The following NPLOC4 variants were observed in gnomAD, a reference collection of about 807,000 sequenced individuals.
The protein encoded by NPLOC4 is NPL4 homolog, ubiquitin recognition factor, also known as nuclear protein localization protein 4 homolog.
NPLOC4 carries 18 observed loss-of-function variants against 80.6 expected under a neutral mutation model. The observed-to-expected ratio is 0.22, with a 90% CI of 0.15 to 0.33. The LOEUF (loss-of-function observed/expected upper bound fraction) is 0.33. Ranked by LOEUF, NPLOC4 falls within the 10% of genes least tolerant of loss-of-function variation. NPLOC4 has a pLI of 1.00. For missense variants in NPLOC4, 540 were observed against 786.1 expected, an observed-to-expected ratio of 0.69 and a Z score of 3.74; for synonymous variants, 313 against 301.5, an observed-to-expected ratio of 1.04 and a Z score of -0.39.
chr17:81,624,274 T>C (rs57514828), intron 2 of NPLOC4, among the ~76,000 whole-genome samples: 10,809 of 152,014 alleles, frequency 0.071, 601 homozygotes, highest in East Asian at 0.23. Flanking sequence ...AAAAATTAGC[T>C]AGGCGTGGTG....
At chr17:81,571,639 T>A (rs2034163478) in intron 13 of NPLOC4, among the ~76,000 whole-genome samples, 1 of 152,186 alleles carries the variant, frequency 6.6e-6, no homozygotes, top group Non-Finnish European at 1.5e-5. Flanking sequence ...GCACAGCACA[T>A]CTGGACAAGA....
chr17:81,560,999 C>G (rs1049798228), intron 16 of NPLOC4: 1 of 151,942 alleles, frequency 6.6e-6, no homozygotes, highest in Non-Finnish European at 1.5e-5. Context: ...TTGTTGTTGC[C>G]GAGGCTGGAG....
Position 81,613,370 on chromosome 17 carries a change from G to C in NPLOC4, c.334C>G (p.Gln112Glu). Residue 112 changes from glutamine (Q) to glutamate (E), a missense_variant, in exon 4 of 17, where the codon CAG becomes GAG. Transcript: ENST00000331134. ...TTCCCGTCCTGTTTGCTGAGGTACT[G>C]ATCAATCTCATCCTCCACCACGTTG... ...APNVVEDEIDQYLSKQDGKIY... is the reference protein window; with the variant it reads ...APNVVEDEIDEYLSKQDGKIY... 6.2e-7 allele frequency: 1 copy of C among 1,613,944 alleles called. No individual in the cohort carries two copies. The highest frequency in any genetic ancestry group is 8.5e-7 in the Non-Finnish European group (1 of 1,179,878).
chr17:81,592,569 T>C (rs1301044588), intron 11 of NPLOC4, among the ~76,000 whole-genome samples: 1 of 152,174 alleles, frequency 6.6e-6, no homozygotes, highest in Non-Finnish European at 1.5e-5. Flanking sequence ...GGATGATCTA[T>C]ATAATCTCTC....
chr17:81,600,349 G>A lies in NPLOC4; in HGVS notation c.913C>T (p.Leu305=), dbSNP rs780115153. Residue 305 remains leucine (L), a synonymous_variant, in exon 9 of 17, where the codon CTG becomes TTG. Transcript: ENST00000331134. ...GCCGGATGCCTCAGTACCTTCCGCAGGCCAAGTTTGGCAGCAATTTCATCG... is the reference window on the plus strand; with the variant it reads ...GCCGGATGCCTCAGTACCTTCCGCAAGCCAAGTTTGGCAGCAATTTCATCG... ...VVDEIAAKLG[L]RKVGWIFTDL... 2.5e-6 allele frequency: 4 copies of A among 1,610,744 alleles called. No homozygotes were observed. The highest frequency in any genetic ancestry group is 4.5e-5 in the East Asian group (2 of 44,832).
chr17:81,571,603 C>T (rs531490508), intron 13 of NPLOC4, among the ~76,000 whole-genome samples: 67 of 152,328 alleles, frequency 4.4e-4, no homozygotes, highest in African/African-American at 1.5e-3. Flanking sequence ...CCTGCACGTG[C>T]AGGACAGCTG....
chr17:81,578,931 T>C (rs567232293), intron 12 of NPLOC4, among the ~76,000 whole-genome samples: 1 of 152,366 alleles, frequency 6.6e-6, no homozygotes, highest in African/African-American at 2.4e-5. Flanking sequence ...TCCATATTTA[T>C]TTATTTAGAG....
intron 11 of NPLOC4, among the ~76,000 whole-genome samples, chr17:81,595,463 T>C (rs1002564690): frequency 6.1e-5 from 9 of 147,564 alleles, no homozygotes; most frequent in Non-Finnish European, 1.3e-4. Flanking sequence ...CTTTTTTTTT[T>C]TGAGATGGAG....
At chr17:81,624,235 T>C (rs1234957908) in intron 2 of NPLOC4, among the ~76,000 whole-genome samples, 1 of 151,958 alleles carries the variant, frequency 6.6e-6, no homozygotes, top group Non-Finnish European at 1.5e-5. Flanking sequence ...CCTGGCCACC[T>C]TGATGAAACC....
At chr17:81,591,919 C>CT (rs1277964977) in intron 11 of NPLOC4, among the ~76,000 whole-genome samples, 1 of 152,240 alleles carries the variant, frequency 6.6e-6, no homozygotes, top group African/African-American at 2.4e-5. Context: ...GTATGCTAGA[C>CT]TATGAGGACA....
chr17:81,579,708 G>A (rs1041073166), intron 12 of NPLOC4, among the ~76,000 whole-genome samples: 14 of 152,098 alleles, frequency 9.2e-5, no homozygotes, highest in African/African-American at 3.4e-4. Context: ...CTCCTTTGCT[G>A]GACACCAGGA....
At chr17:81,563,734 G>A (rs1274088032) in intron 16 of NPLOC4, 10 of 348,946 alleles carry the variant, frequency 2.9e-5, no homozygotes, top group Non-Finnish European at 5.6e-5. Flanking sequence ...GGGCAACACA[G>A]TGAGACCTCA....
At chr17:81,618,373 T>C (rs1419743117) in intron 3 of NPLOC4, among the ~76,000 whole-genome samples, 4 of 127,330 alleles carry the variant, frequency 3.1e-5, no homozygotes, top group South Asian at 2.7e-4. Flanking sequence ...GTGAGGAGCG[T>C]CTCTGCCTGG....
At position 81,597,275 on chromosome 17, in the gene NPLOC4, T is replaced by C. The variant is rs371355414; in HGVS notation, c.963A>G (p.Arg321=). 3.1e-6 allele frequency: 5 copies of C among 1,613,534 alleles called. No individual in the cohort carries two copies. Among genetic ancestry groups the C allele is most frequent in the Admixed American group, 3.3e-5 (2 of 59,998 alleles). Reference sequence around the variant, plus strand: ...TTCGACTGTAGCGGACGGTACCCTTTCGGGTATCTTCTGAGACGAGGTCTG... The same window carrying C: ...TTCGACTGTAGCGGACGGTACCCTTCCGGGTATCTTCTGAGACGAGGTCTG... The part of the protein sequence containing the change: ...IFTDLVSEDT[R]KGTVRYSRNK... Residue 321 remains arginine (R), a synonymous_variant, in exon 10 of 17, where the codon CGA becomes CGG. Transcript: ENST00000331134.
intron 8 of NPLOC4, among the ~76,000 whole-genome samples, chr17:81,603,417 G>A (rs186354595): frequency 5.3e-5 from 8 of 151,872 alleles, no homozygotes; most frequent in South Asian, 4.2e-4. Flanking sequence ...GCAATATAGC[G>A]AGACCCTGAC....
At chr17:81,620,653 A>G (rs2035639485) in intron 3 of NPLOC4, among the ~76,000 whole-genome samples, 1 of 152,112 alleles carries the variant, frequency 6.6e-6, no homozygotes, top group Non-Finnish European at 1.5e-5. Context: ...TGAGGTGTTC[A>G]GTACGTATTT....
Position 81,605,821 on chromosome 17 carries a change from T to G in NPLOC4, c.654+870A>C, listed in dbSNP as rs142537228. Reference sequence around the variant, plus strand: ...TCTCTAGGGCAAAAAACAAACACATTTTCTTTTTTTTTTTTTTTGAGACGG... The same window carrying G: ...TCTCTAGGGCAAAAAACAAACACATGTTCTTTTTTTTTTTTTTTGAGACGG... On this transcript the variant is annotated intron_variant, in intron 7 of 16. Coordinates refer to ENST00000331134, the MANE Select transcript of NPLOC4 (RefSeq NM_017921.4). 3.2e-3 allele frequency among the ~76,000 whole-genome samples: 476 copies of G among 150,266 alleles called. 2 individuals carry two copies. The highest frequency in any genetic ancestry group is 6.0e-3 in the Non-Finnish European group (403 of 67,208).
chr17:81,625,678 A>G (rs748715776), intron 2 of NPLOC4, among the ~76,000 whole-genome samples: 7 of 152,030 alleles, frequency 4.6e-5, no homozygotes, highest in African/African-American at 9.7e-5. Flanking sequence ...CTACAATGAG[A>G]TATGATCACA....
chr17:81,613,149 A>T, intron 4 of NPLOC4, 169 bp downstream of exon 4: 1 of 552,494 alleles, frequency 1.8e-6, no homozygotes, highest in Non-Finnish European at 2.8e-6. Context: ...ACAAAAACCG[A>T]TAAAAAGCTA....
Sources: allele counts gnomAD v4.1 joint callset (sites outside exome capture counted in the v4.1 genomes callset), GRCh38; gene constraint gnomAD v4.1.1; transcripts MANE v1.5; gene names NCBI Gene and HGNC (gene_info 2026-07-23, HGNC 2026-07-21).